Variants in GDF3 observed in about 807,000 individuals in gnomAD.
GDF3 encodes the protein growth/differentiation factor 3.
In GDF3, 10 loss-of-function variants were observed where a neutral mutation model predicts 10.2. That is an observed-to-expected ratio of 0.98 (90% CI 0.60 to 1.66). The LOEUF (loss-of-function observed/expected upper bound fraction) is 1.66. Among genes scored for constraint, GDF3 ranks in the 40% most tolerant of loss-of-function variants. The probability of loss-of-function intolerance (pLI) is 0.00; values close to 1 mark genes in which losing one functional copy is unlikely to be tolerated. For missense variants in GDF3, 450 were observed against 438.3 expected (o/e 1.03, Z -0.24); for synonymous variants, 166 against 178.5 (o/e 0.93, Z 0.56).
At position 7,691,706 on chromosome 12, in the gene GDF3, T is replaced by G. The variant is rs974428738; in HGVS notation, c.269-1002A>C. ...TTATATATATTACTATATATACATTTGTCTTTAAAATATTTTAAAAGCCAG... is the reference window on the plus strand; with the variant it reads ...TTATATATATTACTATATATACATTGGTCTTTAAAATATTTTAAAAGCCAG... On this transcript the variant is annotated intron_variant, in intron 1 of 1. Coordinates refer to ENST00000329913, the MANE Select transcript of GDF3 (RefSeq NM_020634.3). 2.0e-5 allele frequency among the ~76,000 whole-genome samples: 3 copies of G among 152,120 alleles called. No homozygotes were observed. In the South Asian group the frequency reaches 6.2e-4, roughly 32 times the overall value.
At position 7,690,659 on chromosome 12, in the gene GDF3, A is replaced by C; in HGVS notation, c.314T>G (p.Leu105Arg). ...CAGGTTAAAGTAGAGGAGCTTCTGCAGGCAGGAGGAAGCTTGGGAAATTTT... is the reference window on the plus strand; with the variant it reads ...CAGGTTAAAGTAGAGGAGCTTCTGCCGGCAGGAGGAAGCTTGGGAAATTTT... Reference protein sequence around the residue: ...PKKISQASSCLQKLLYFNLSA... With the variant: ...PKKISQASSCRQKLLYFNLSA... Residue 105 changes from leucine (L) to arginine (R), a missense_variant, in exon 2 of 2, where the codon CTG becomes CGG. Physicochemically the swap from Leu to Arg is moderately radical, Grantham distance 102. Coordinates refer to ENST00000329913, the MANE Select transcript of GDF3 (RefSeq NM_020634.3). 1 of 1,613,050 alleles carries C rather than the reference A, an allele frequency of 6.2e-7. No homozygotes were observed. The highest frequency in any genetic ancestry group is 8.5e-7 in the Non-Finnish European group (1 of 1,179,478).
At chr12:7,692,825 T>A (rs929452580) in intron 1 of GDF3, among the ~76,000 whole-genome samples, 9 of 151,950 alleles carry the variant, frequency 5.9e-5, no homozygotes, top group African/African-American at 2.2e-4. Context: ...TAAGTTTTTG[T>A]AGAGATAGGG....
At chr12:7,692,049 AAT>A (rs1864136704) in intron 1 of GDF3, among the ~76,000 whole-genome samples, 2 of 152,056 alleles carry the variant, frequency 1.3e-5, no homozygotes, top group African/African-American at 4.8e-5. Context: ...GTTTTAAAAA[AAT>A]TTTAAAATGT....
At position 7,691,576 on chromosome 12, in the gene GDF3, G is replaced by GA. The variant is rs917421119; in HGVS notation, c.269-873dup. Among the ~76,000 whole-genome samples the GA allele has an allele frequency of 5.5e-3, 776 of 140,188 alleles. 6 individuals are homozygous for GA. The highest frequency in any genetic ancestry group is 0.026 in the Middle Eastern group (7 of 270). 92.0% of individuals were successfully genotyped at this position (140,188 alleles called of 152,430 possible). ...ATAAATAAATAAAAGAAAAGAAAAA[G>GA]AAAAAAAAAAACAAAACACTTATGC... On this transcript the variant is annotated intron_variant, in intron 1 of 1. Transcript: ENST00000329913.
Position 7,695,651 on chromosome 12 carries a change from T to G in GDF3, c.78A>C (p.Glu26Asp), listed in dbSNP as rs1341411029. 6.2e-7 allele frequency: 1 copy of G among 1,614,146 alleles called. No homozygotes were observed. The highest frequency in any genetic ancestry group is 2.2e-5 in the East Asian group (1 of 44,892). The change falls in exon 1 of 2, where the codon GAA (glutamate) becomes GAC (aspartate). Residue 26 changes from glutamate to aspartate, a missense_variant. By Grantham distance (45) the Glu-to-Asp change is conservative. Transcript: ENST00000329913. Reference sequence around the variant, plus strand: ...AGCCCAGAAATTGGAGAAAGACATATTCTTGAAATTGGACTGCCTGGCCCA... The same window carrying G: ...AGCCCAGAAATTGGAGAAAGACATAGTCTTGAAATTGGACTGCCTGGCCCA... ...LALGQAVQFQ[E>D]YVFLQFLGLD...
chr12:7,695,770 C>G lies in GDF3; in HGVS notation c.-42G>C. 6.2e-7 allele frequency: 1 copy of G among 1,609,292 alleles called. No individual in the cohort carries two copies. The highest frequency in any genetic ancestry group is 8.5e-7 in the Non-Finnish European group (1 of 1,176,372). On this transcript the variant is annotated 5_prime_UTR_variant, in exon 1 of 2. Coordinates refer to ENST00000329913, the MANE Select transcript of GDF3 (RefSeq NM_020634.3). ...GTCAGACCGGGGAGAGCTCCACTGC[C>G]AGACTGCCCAACAATTCAGAGGCTG... is the stretch of plus-strand genomic sequence containing the variant.
chr12:7,695,318 A>G (rs1023800428), intron 1 of GDF3, 143 bp downstream of exon 1: 8 of 852,790 alleles, frequency 9.4e-6, no homozygotes, highest in Non-Finnish European at 1.4e-5. Context: ...ACTTCCTCTC[A>G]GGATCGTGGC....
rs758541074 is a variant in GDF3 at position 7,690,289 on chromosome 12, G to C, written c.684C>G (p.Ser228=). Residue 228 remains serine, a synonymous_variant, in exon 2 of 2, where the codon TCC becomes TCG. Coordinates refer to ENST00000329913, the MANE Select transcript of GDF3 (RefSeq NM_020634.3). ...TCACCACCAGCAGGGAAGCATGAAG[G>C]GAGCATCTTAGTCTGGCACAGGTGT... The part of the protein sequence containing the change: ...PEDTCARLRC[S]LHASLLVVTL... 3.7e-6 allele frequency: 6 copies of C among 1,613,992 alleles called. No homozygotes were observed. The highest frequency in any genetic ancestry group is 1.3e-5 in the African/African-American group (1 of 74,892).
Position 7,695,672 on chromosome 12 carries a change from G to C in GDF3, c.57C>G (p.Gly19=). 6.2e-7 allele frequency: 1 copy of C among 1,614,106 alleles called. No individual in the cohort carries two copies. The highest frequency in any genetic ancestry group is 2.2e-5 in the East Asian group (1 of 44,886). The change falls in exon 1 of 2, where the codon GGC becomes GGG. Residue 19 remains glycine (G), a synonymous_variant. Coordinates refer to ENST00000329913, the MANE Select transcript of GDF3 (RefSeq NM_020634.3). ...CATATTCTTGAAATTGGACTGCCTG[G>C]CCCAAAGCCAGAATTAACAGGAAGC... ...AFSFLLILAL[G]QAVQFQEYVF... is the part of the protein sequence containing the mutation.
Position 7,695,399 on chromosome 12 carries a change from C to T in GDF3, c.268+62G>A, listed in dbSNP as rs951027461. ...TCAGTAATTGTCATTTCCTATTGTC[C>T]TTTCCTTTCTTCACACCACCCAGTT... On this transcript the variant is annotated intron_variant, in intron 1 of 1. Coordinates refer to ENST00000329913, the MANE Select transcript of GDF3 (RefSeq NM_020634.3). 4.1e-6 allele frequency: 6 copies of T among 1,466,072 alleles called. No individual in the cohort carries two copies. The African/African-American group carries it at 6.9e-5, about 17-fold the overall frequency. The allele number at this position is 1,466,072 out of a possible 1,614,324, so 90.8% of individuals were successfully genotyped here. A position where few individuals can be genotyped will look rare whatever the true frequency, so the allele number is the denominator to read the frequency against.
At chr12:7,692,434 T>TAA (rs762903239) in intron 1 of GDF3, among the ~76,000 whole-genome samples, 29 of 135,938 alleles carry the variant, frequency 2.1e-4, no homozygotes, top group South Asian at 7.1e-4. Context: ...CCGTCTCAGT[T>TAA]AAAAAAAAAA....
Position 7,695,505 on chromosome 12 carries a change from T to A in GDF3, c.224A>T (p.Glu75Val). The part of the protein sequence containing the change: ...GVSRDLCYVK[E>V]LGVRGNVLRF... ...AAGTACATTCCCGCGGACGCCCAGC[T>A]CCTTTACGTAGCATAAGTCTCGGGA... Residue 75 changes from glutamate (E) to valine (V), a missense_variant, in exon 1 of 2, where the codon GAG (glutamate) becomes GTG (valine). Coordinates refer to ENST00000329913, the MANE Select transcript of GDF3 (RefSeq NM_020634.3). 1.9e-6 allele frequency: 3 copies of A among 1,614,096 alleles called. No individual in the cohort carries two copies. Among genetic ancestry groups the A allele is most frequent in the Non-Finnish European group, 1.7e-6 (2 of 1,179,990 alleles).
rs772608870 is a variant in GDF3, at chr12:7,695,692, G to A, written c.37C>T (p.Leu13=). ...RFLPDLAFSF[L]LILALGQAVQ... ...GCCTGGCCCAAAGCCAGAATTAACA[G>A]GAAGCTGAAAGCCAAATCTGGCAAG... The change falls in exon 1 of 2, where the codon CTG becomes TTG. Residue 13 remains leucine, a synonymous_variant. Coordinates refer to ENST00000329913, the MANE Select transcript of GDF3 (RefSeq NM_020634.3). 26 of 1,614,194 alleles carry A rather than the reference G, an allele frequency of 1.6e-5. No homozygotes were observed. The highest frequency in any genetic ancestry group is 2.2e-5 in the Non-Finnish European group (26 of 1,180,038).
At chr12:7,692,608 C>T (rs929374596) in intron 1 of GDF3, among the ~76,000 whole-genome samples, 12 of 151,248 alleles carry the variant, frequency 7.9e-5, no homozygotes, top group African/African-American at 2.9e-4. Flanking sequence ...CTCTCGGGTT[C>T]AAGCAATTCT....
chr12:7,690,389 CG>C lies in GDF3; in HGVS notation c.583del (p.Arg195GlyfsTer20). Reference sequence around the variant, plus strand: ...CTCCAGGAATAACCCGAAATTTTTCCGGGGGTTGTCATTCCAATCCTTAGCT... The same window carrying C: ...CTCCAGGAATAACCCGAAATTTTTCCGGGGTTGTCATTCCAATCCTTAGCT... Reference protein sequence around the residue: ...DVAKDWNDNPRKNFGLFLEIL... With the variant: ...DVAKDWNDNPXKNFGLFLEIL... On this transcript the variant is annotated frameshift_variant, in exon 2 of 2. Coordinates refer to ENST00000329913, the MANE Select transcript of GDF3 (RefSeq NM_020634.3). LOFTEE classifies it low-confidence loss of function (END_TRUNC). 1 of 1,614,060 alleles carries C rather than the reference CG, an allele frequency of 6.2e-7. No homozygotes were observed. The highest frequency in any genetic ancestry group is 8.5e-7 in the Non-Finnish European group (1 of 1,179,996).
Position 7,690,653 on chromosome 12 carries a change from T to C in GDF3, c.320A>G (p.Lys107Arg). The C allele has an allele frequency of 1.9e-6, 3 of 1,613,038 alleles. No individual in the cohort carries two copies. The highest frequency in any genetic ancestry group is 2.5e-6 in the Non-Finnish European group (3 of 1,179,624). Residue 107 changes from lysine to arginine, a missense_variant, in exon 2 of 2, where the codon AAG (lysine) becomes AGG (arginine). By Grantham distance (26) the Lys-to-Arg change is conservative. Coordinates refer to ENST00000329913, the MANE Select transcript of GDF3 (RefSeq NM_020634.3). ...GGCAGACAGGTTAAAGTAGAGGAGC[T>C]TCTGCAGGCAGGAGGAAGCTTGGGA... is the stretch of plus-strand genomic sequence containing the variant. ...KISQASSCLQ[K>R]LLYFNLSAIK...
chr12:7,695,739 G>A lies in GDF3; in HGVS notation c.-11C>T, dbSNP rs1374625413. 2 of 1,613,962 alleles carry A rather than the reference G, an allele frequency of 1.2e-6. No individual in the cohort carries two copies. Among genetic ancestry groups the A allele is most frequent in the South Asian group, 2.2e-5 (2 of 91,048 alleles). On this transcript the variant is annotated 5_prime_UTR_variant, in exon 1 of 2. Coordinates refer to ENST00000329913, the MANE Select transcript of GDF3 (RefSeq NM_020634.3). ...CAAGAAACGAAGCATGGCCTCTGGA[G>A]TGGCTGTCAGACCGGGGAGAGCTCC...
intron 1 of GDF3, among the ~76,000 whole-genome samples, chr12:7,694,319 T>C (rs1002953664): frequency 5.9e-5 from 9 of 152,042 alleles, no homozygotes; most frequent in African/African-American, 2.2e-4. Flanking sequence ...TCCCAGCAGT[T>C]TGGGAGGCTG....
In GDF3 at chr12:7,690,469, C is replaced by T. The variant is rs1309918999; in HGVS notation, c.504G>A (p.Val168=). 1 of 1,614,098 alleles carries T rather than the reference C, an allele frequency of 6.2e-7. No individual in the cohort carries two copies. The highest frequency in any genetic ancestry group is 2.2e-5 in the East Asian group (1 of 44,864). Residue 168 remains valine (V), a synonymous_variant, in exon 2 of 2, where the codon GTG becomes GTA. Transcript: ENST00000329913. Reference sequence around the variant, plus strand: ...CTTGTGGCCATGGGACTGACCGCAACACAAACATTTTACCTGGCTTAGGGG... The same window carrying T: ...CTTGTGGCCATGGGACTGACCGCAATACAAACATTTTACCTGGCTTAGGGG... ...QTTPKPGKMF[V]LRSVPWPQGA...
Sources: allele counts gnomAD v4.1 joint callset (sites outside exome capture counted in the v4.1 genomes callset), GRCh38; gene constraint gnomAD v4.1.1; transcripts MANE v1.5; gene names NCBI Gene and HGNC (gene_info 2026-07-23, HGNC 2026-07-21).